Variants in AXDND1 observed in about 807,000 individuals in gnomAD.
The protein encoded by AXDND1 is axonemal dynein light chain domain-containing protein 1.
In AXDND1, 110 loss-of-function variants were observed where a neutral mutation model predicts 137.5. The ratio of observed to expected loss-of-function variants is 0.80; its 90% CI spans 0.69 to 0.94. AXDND1 has a LOEUF of 0.94. AXDND1 is among the 40% of genes least tolerant of loss of function. AXDND1 has a pLI of 0.00. For missense variants in AXDND1, 1,191 were observed against 1,169.8 expected (o/e 1.02, Z -0.26); for synonymous variants, 414 against 399.7 (o/e 1.04, Z -0.43).
chr1:179,546,885 C>T (rs746378324), intron 25 of AXDND1, among the ~76,000 whole-genome samples: 8 of 152,326 alleles, frequency 5.3e-5, no homozygotes, highest in Non-Finnish European at 1.2e-4. Flanking sequence ...TCTGGTCCCA[C>T]TCTCACAATT....
chr1:179,370,241 T>C (rs1302449063), intron 4 of AXDND1, among the ~76,000 whole-genome samples, 163 bp downstream of exon 4: 1 of 152,212 alleles, frequency 6.6e-6, no homozygotes, highest in African/African-American at 2.4e-5. Flanking sequence ...CCAAAGACCA[T>C]CTTTTTGTGT....
At chr1:179,539,622 A>G (rs956720273) in intron 25 of AXDND1, among the ~76,000 whole-genome samples, 9 of 151,760 alleles carry the variant, frequency 5.9e-5, no homozygotes, top group African/African-American at 2.2e-4. Flanking sequence ...TGCCCTTAAT[A>G]TTTTTTCCTT....
chr1:179,370,064 C>T lies in AXDND1; in HGVS notation c.360C>T (p.Leu120=). 1 of 1,611,426 alleles carries T rather than the reference C, an allele frequency of 6.2e-7. No individual in the cohort carries two copies. The highest frequency in any genetic ancestry group is 2.2e-5 in the East Asian group (1 of 44,872). The change falls in exon 4 of 26, where the codon CTC becomes CTT. Residue 120 remains leucine (L), a synonymous_variant. Transcript: ENST00000367618. ...ACCTGATTGACCATCCCGTCTCCCT[C>T]ACAGGAGCTGGAAGGTAAAGAAGGA... ...FKYLIDHPVS[L]TGAGRDISFL...
intron 25 of AXDND1, among the ~76,000 whole-genome samples, chr1:179,539,803 C>A (rs191292254): frequency 1.6e-3 from 244 of 152,290 alleles, no homozygotes; most frequent in Middle Eastern, 3.4e-3. Context: ...TGATTCCATT[C>A]TCCCCGTCAC....
At chr1:179,439,651 T>G (rs920023965) in intron 15 of AXDND1, among the ~76,000 whole-genome samples, 1 of 152,236 alleles carries the variant, frequency 6.6e-6, no homozygotes, top group Non-Finnish European at 1.5e-5. Flanking sequence ...GGTTTTTGCC[T>G]GTCCCTGATG....
At chr1:179,469,274 C>G (rs1663628636) in intron 17 of AXDND1, among the ~76,000 whole-genome samples, 1 of 152,076 alleles carries the variant, frequency 6.6e-6, no homozygotes, top group Non-Finnish European at 1.5e-5. Context: ...ACTGTGTGGT[C>G]TTTGTGTCTA....
chr1:179,402,651 A>G (rs1414633963), intron 11 of AXDND1, among the ~76,000 whole-genome samples: 1 of 152,146 alleles, frequency 6.6e-6, no homozygotes, highest in Non-Finnish European at 1.5e-5. Context: ...CAAATATGCT[A>G]TAATTACTCC....
At chr1:179,408,447 GCTCA>G (rs1653325101) in intron 11 of AXDND1, among the ~76,000 whole-genome samples, 1 of 151,776 alleles carries the variant, frequency 6.6e-6, no homozygotes, top group Admixed American at 6.6e-5. Flanking sequence ...TGTGATTTCG[GCTCA>G]CTTCAACCAC....
At chr1:179,366,362 ATCTT>A in intron 1 of AXDND1, 38 bp from the exon 2 acceptor site, 1 of 536,740 alleles carries the variant, frequency 1.9e-6, no homozygotes, top group South Asian at 2.1e-5. Context: ...AATAGTTGTC[ATCTT>A]TTTTTTTTTT....
chr1:179,397,819 C>T (rs1313239334), intron 11 of AXDND1, among the ~76,000 whole-genome samples: 1 of 148,748 alleles, frequency 6.7e-6, no homozygotes, highest in African/African-American at 2.5e-5. Context: ...TATTGTAGAA[C>T]ATTTTTTCAG....
intron 20 of AXDND1, among the ~76,000 whole-genome samples, chr1:179,500,553 C>A (rs191491098): frequency 6.6e-6 from 1 of 152,232 alleles, no homozygotes; most frequent in East Asian, 1.9e-4. Flanking sequence ...GGAAGATACA[C>A]CATGTTCATG....
intron 2 of AXDND1, among the ~76,000 whole-genome samples, chr1:179,366,898 G>A (rs1035980368): frequency 6.6e-6 from 1 of 151,976 alleles, no homozygotes; most frequent in African/African-American, 2.4e-5. Flanking sequence ...TTTGGTTCCT[G>A]GTCTTTGGCT....
intron 12 of AXDND1, among the ~76,000 whole-genome samples, chr1:179,414,517 T>TG (rs1157015880): frequency 1.3e-5 from 2 of 151,962 alleles, no homozygotes; most frequent in Non-Finnish European, 1.5e-5. Flanking sequence ...CTCCGCCCCC[T>TG]GGGGTTCACG....
intron 22 of AXDND1, among the ~76,000 whole-genome samples, chr1:179,527,995 C>T (rs1670698061): frequency 6.6e-6 from 1 of 152,160 alleles, no homozygotes. Context: ...GTGCACAGCC[C>T]TTGGAGCACA....
intron 11 of AXDND1, among the ~76,000 whole-genome samples, chr1:179,402,164 C>CA (rs552031518): frequency 0.49 from 52,950 of 107,006 alleles, 10,400 homozygotes; most frequent in Middle Eastern, 0.53. Flanking sequence ...GACTCCGTCT[C>CA]AAAAAAAAAA....
intron 12 of AXDND1, among the ~76,000 whole-genome samples, chr1:179,412,811 C>A (rs1654098179): frequency 6.6e-6 from 1 of 152,112 alleles, no homozygotes; most frequent in Non-Finnish European, 1.5e-5. Context: ...AGCAAAAATT[C>A]CCAGTATATT....
intron 11 of AXDND1, among the ~76,000 whole-genome samples, chr1:179,396,645 G>A (rs1468678289): frequency 6.7e-6 from 1 of 149,254 alleles, no homozygotes; most frequent in Admixed American, 6.7e-5. Flanking sequence ...GACAGAGCAA[G>A]ACTCCATCTC....
At chr1:179,376,068 T>G (rs936802006) in intron 4 of AXDND1, among the ~76,000 whole-genome samples, 1 of 152,194 alleles carries the variant, frequency 6.6e-6, no homozygotes, top group Admixed American at 6.5e-5. Flanking sequence ...TTGCAACTGT[T>G]ATAGTCATTC....
At chr1:179,382,311 C>T (rs1370157691) in intron 6 of AXDND1, among the ~76,000 whole-genome samples, 1 of 151,912 alleles carries the variant, frequency 6.6e-6, no homozygotes, top group Admixed American at 6.6e-5. Flanking sequence ...GAACTCCTGA[C>T]CTCAAGTGAT....
Sources: gnomAD v4.1 joint callset for allele counts (sites outside exome capture counted in the v4.1 genomes callset) on GRCh38, gnomAD v4.1.1 for gene constraint, MANE v1.5 for transcripts, NCBI Gene and HGNC (gene_info 2026-07-23, HGNC 2026-07-21) for gene names.